Variants in MID1 observed in about 807,000 individuals in gnomAD.
MID1 encodes E3 ubiquitin-protein ligase Midline-1.
MID1 carries 7 observed loss-of-function variants against 40.4 expected under a neutral mutation model. The ratio of observed to expected loss-of-function variants is 0.17; its 90% CI spans 0.10 to 0.33. The LOEUF (loss-of-function observed/expected upper bound fraction) is 0.33, where lower values mean the gene tolerates loss of function less well. MID1 is among the 10% of genes least tolerant of loss of function. MID1 has a pLI of 1.00. For missense variants in MID1, 367 were observed against 558.5 expected (o/e 0.66, Z 3.46); for synonymous variants, 229 against 221.2 (o/e 1.04, Z -0.31).
At chrX:10,797,066 G>T (rs1375420449) in intron 1 of MID1, among the ~76,000 whole-genome samples, 2 of 109,227 alleles carry the variant, frequency 1.8e-5, no homozygotes, top group East Asian at 5.7e-4. Flanking sequence ...TTTAAACAAA[G>T]ATACATCTAT....
chrX:10,682,127 G>A (rs747081913), intron 1 of MID1, among the ~76,000 whole-genome samples: 2 of 110,458 alleles, frequency 1.8e-5, no homozygotes, highest in Non-Finnish European at 3.8e-5. Flanking sequence ...GCAACATAGT[G>A]AGACCCCATC....
intron 1 of MID1, among the ~76,000 whole-genome samples, chrX:10,831,806 CTT>C (rs2044254908): frequency 9.0e-6 from 1 of 111,544 alleles, no homozygotes; most frequent in South Asian, 3.8e-4. Context: ...CCCCAGGAGA[CTT>C]ATCTGTCTTT....
At chrX:10,638,352 G>A (rs769000434) in intron 1 of MID1, among the ~76,000 whole-genome samples, 2 of 112,417 alleles carry the variant, frequency 1.8e-5, no homozygotes, top group Non-Finnish European at 3.8e-5. Flanking sequence ...CACACCAGGA[G>A]ATTATATCCT....
At chrX:10,554,896 A>G (rs779220357) in intron 2 of MID1, among the ~76,000 whole-genome samples, 1 of 111,916 alleles carries the variant, frequency 8.9e-6, no homozygotes, top group South Asian at 3.8e-4. Flanking sequence ...GGGTCAAAGA[A>G]GGGGGAAATA....
intron 1 of MID1, among the ~76,000 whole-genome samples, chrX:10,800,719 C>A (rs1441781797): frequency 9.0e-6 from 1 of 111,667 alleles, no homozygotes; most frequent in Non-Finnish European, 1.9e-5. Flanking sequence ...ACACACTGTT[C>A]CCTGGGCCTA....
chrX:10,792,128 CT>C (rs2043936131), intron 1 of MID1, among the ~76,000 whole-genome samples: 1 of 111,814 alleles, frequency 8.9e-6, no homozygotes, highest in Admixed American at 9.5e-5. Context: ...CGTATGATCT[CT>C]GTTGCAATAA....
At chrX:10,827,884 C>T (rs1000481302) in intron 1 of MID1, among the ~76,000 whole-genome samples, 1 of 111,213 alleles carries the variant, frequency 9.0e-6, no homozygotes, top group Non-Finnish European at 1.9e-5. Flanking sequence ...TTTATCTCAC[C>T]TATATCTTCC....
chrX:10,792,524 T>C (rs2043939728), intron 1 of MID1, among the ~76,000 whole-genome samples: 1 of 112,369 alleles, frequency 8.9e-6, no homozygotes, highest in South Asian at 3.7e-4. Context: ...ATAACTACTA[T>C]GCAAACAAAT....
intron 7 of MID1, among the ~76,000 whole-genome samples, chrX:10,465,573 G>A (rs1298345045): frequency 9.0e-6 from 1 of 111,365 alleles, no homozygotes; most frequent in Non-Finnish European, 1.9e-5. Flanking sequence ...TCAAATGGCA[G>A]ATTATTCTGG....
rs200040870 is a variant in MID1, at chrX:10,461,138, T to TACACACACACACACACAC, written c.1286-1349_1286-1332dup. Among the ~76,000 whole-genome samples, 195 of 96,783 alleles carry TACACACACACACACACAC rather than the reference T, an allele frequency of 2.0e-3. 1 individual carries two copies. The highest frequency in any genetic ancestry group is 0.011 in the Middle Eastern group (2 of 190). 84.0% of individuals were successfully genotyped at this position (96,783 alleles called of 115,157 possible). On this transcript the variant is annotated intron_variant, in intron 7 of 9. Coordinates refer to ENST00000317552, the MANE Select transcript of MID1 (RefSeq NM_000381.4). ...TATATCATCTAAAGATATCTAAAGATACACACACACACACACACACACACA... is the reference window on the plus strand; with the variant it reads ...TATATCATCTAAAGATATCTAAAGATACACACACACACACACACACACACACACACACACACACACACA...
chrX:10,592,992 G>A (rs1935340443), intron 1 of MID1, among the ~76,000 whole-genome samples: 3 of 111,877 alleles, frequency 2.7e-5, no homozygotes, highest in East Asian at 2.8e-4. Context: ...TAGAGATGAC[G>A]TAGGAGATTG....
intron 3 of MID1, chrX:10,506,445 C>T (rs1161206666): frequency 1.6e-6 from 1 of 632,704 alleles, no homozygotes; most frequent in Admixed American, 2.6e-5. Context: ...TGGAGATTAA[C>T]CCCATTGGGC....
chrX:10,662,276 C>T (rs1195635960), intron 1 of MID1, among the ~76,000 whole-genome samples: 1 of 111,402 alleles, frequency 9.0e-6, no homozygotes. Flanking sequence ...TGCACTCCAG[C>T]CTGGGCAACA....
chrX:10,736,128 G>A (rs193112631), intron 1 of MID1, among the ~76,000 whole-genome samples: 274 of 111,749 alleles, frequency 2.5e-3, no homozygotes, highest in Middle Eastern at 0.023. Context: ...ACCGGCGCCT[G>A]CCACCACGCC....
At chrX:10,589,159 C>G (rs762803972) in intron 1 of MID1, among the ~76,000 whole-genome samples, 5 of 111,903 alleles carry the variant, frequency 4.5e-5, no homozygotes, top group Admixed American at 9.4e-5. Context: ...ATCCAGAAAT[C>G]TAAGCCAGGT....
At chrX:10,683,770 CTTTTT>C (rs34917176) in intron 1 of MID1, among the ~76,000 whole-genome samples, 1 of 45,087 alleles carries the variant, frequency 2.2e-5, no homozygotes, top group African/African-American at 1.1e-4. Flanking sequence ...TGCACGTCAT[CTTTTT>C]TTTTTTTTTT....
chrX:10,485,917 C>A (rs1031213915), intron 4 of MID1, among the ~76,000 whole-genome samples: 2 of 111,148 alleles, frequency 1.8e-5, no homozygotes, highest in African/African-American at 3.3e-5. Flanking sequence ...GAAAAGGGAC[C>A]CTTATTTTGT....
chrX:10,639,738 GA>G (rs1267481833), intron 1 of MID1, among the ~76,000 whole-genome samples: 3 of 111,219 alleles, frequency 2.7e-5, no homozygotes, highest in Non-Finnish European at 1.9e-5. Context: ...CGAAATGAAG[GA>G]AAAAAATGTT....
Position 10,567,470 on chromosome X carries a change from T to A in MID1, c.78A>T (p.Ala26=). 8.3e-7 allele frequency: 1 copy of A among 1,211,548 alleles called. No individual in the cohort carries two copies. The highest frequency in any genetic ancestry group is 1.1e-6 in the Non-Finnish European group (1 of 895,403). Residue 26 remains alanine, a synonymous_variant, in exon 2 of 10, where the codon GCA becomes GCT. Coordinates refer to ENST00000317552, the MANE Select transcript of MID1 (RefSeq NM_000381.4). ...GGGCGCAGTTGAAGCAGAGGCTGTG[T>A]GCGCAGGGCAGTAGAAGAGGGTCCT... ...LFEDPLLLPC[A]HSLCFNCAHR... is the part of the protein sequence containing the mutation.
Sources: gnomAD v4.1 joint callset for allele counts (sites outside exome capture counted in the v4.1 genomes callset) on GRCh38, gnomAD v4.1.1 for gene constraint, MANE v1.5 for transcripts, NCBI Gene and HGNC (gene_info 2026-07-23, HGNC 2026-07-21) for gene names.